Variants in MAGI1 observed in about 807,000 individuals in gnomAD.
The protein encoded by MAGI1 is membrane-associated guanylate kinase, WW and PDZ domain-containing protein 1.
In MAGI1, 58 loss-of-function variants were observed where a neutral mutation model predicts 139.9. The ratio of observed to expected loss-of-function variants is 0.41; its 90% CI spans 0.34 to 0.52. The LOEUF (loss-of-function observed/expected upper bound fraction) is 0.52, where lower values mean the gene tolerates loss of function less well. MAGI1 is among the 20% of genes least tolerant of loss of function. The pLI, the probability that MAGI1 is intolerant of heterozygous loss-of-function variation, is 0.12. For synonymous variants in MAGI1, 812 were observed against 737.9 expected, an observed-to-expected ratio of 1.10 and a Z score of -1.63; for missense variants, 1,874 against 1,901.6, an observed-to-expected ratio of 0.99 and a Z score of 0.27.
In MAGI1 at chr3:65,901,903, C is replaced by T. The variant is rs75215251; in HGVS notation, c.313+136093G>A. On this transcript the variant is annotated intron_variant, in intron 1 of 22. Coordinates refer to ENST00000402939, the MANE Select transcript of MAGI1 (RefSeq NM_001033057.2). ...CTTATTTTGCTGCAGAAAATACTTA[C>T]GAGGTTTTAAAATTCATTATTTTTT... Among the ~76,000 whole-genome samples the T allele has an allele frequency of 6.8e-3, 1,029 of 151,396 alleles. 4 individuals carry two copies. Among genetic ancestry groups the T allele is most frequent in the Non-Finnish European group, 0.011 (725 of 67,752 alleles).
chr3:65,916,425 T>C (rs1401267708), intron 1 of MAGI1, among the ~76,000 whole-genome samples: 4 of 152,136 alleles, frequency 2.6e-5, no homozygotes, highest in South Asian at 4.1e-4. Flanking sequence ...TCCATGTGGC[T>C]GGGGAGGCCT....
At chr3:65,905,722 G>C (rs934020208) in intron 1 of MAGI1, among the ~76,000 whole-genome samples, 1 of 152,080 alleles carries the variant, frequency 6.6e-6, no homozygotes, top group Non-Finnish European at 1.5e-5. Flanking sequence ...CTCAGCTCAG[G>C]TCTACAGAGC....
At chr3:65,497,973 G>A (rs1952567990) in intron 2 of MAGI1, among the ~76,000 whole-genome samples, 1 of 152,130 alleles carries the variant, frequency 6.6e-6, no homozygotes. Context: ...CTAGCAGGAG[G>A]TTTCCCAGCT....
chr3:65,489,825 G>T (rs1304622185), intron 3 of MAGI1, among the ~76,000 whole-genome samples: 2 of 152,150 alleles, frequency 1.3e-5, no homozygotes, highest in African/African-American at 4.8e-5. Flanking sequence ...ATGGAAGAGG[G>T]GAAACAAGTA....
chr3:65,785,708 A>G (rs1056857117), intron 1 of MAGI1, among the ~76,000 whole-genome samples: 1 of 152,194 alleles, frequency 6.6e-6, no homozygotes, highest in East Asian at 1.9e-4. Context: ...AATGAATGAG[A>G]TAAATGAATG....
At chr3:65,682,907 T>C (rs577602102) in intron 1 of MAGI1, among the ~76,000 whole-genome samples, 1 of 152,208 alleles carries the variant, frequency 6.6e-6, no homozygotes, top group South Asian at 2.1e-4. Context: ...AGATAATTTT[T>C]CCAACGGATG....
intron 1 of MAGI1, among the ~76,000 whole-genome samples, chr3:65,771,077 C>T (rs550647464): frequency 2.6e-5 from 4 of 151,838 alleles, no homozygotes; most frequent in Admixed American, 6.6e-5. Flanking sequence ...GAGGCCAAGG[C>T]GGGCAGATCA....
chr3:65,396,325 T>A (rs1944391869), intron 13 of MAGI1, among the ~76,000 whole-genome samples: 2 of 152,268 alleles, frequency 1.3e-5, no homozygotes, highest in African/African-American at 4.8e-5. Context: ...GGAAATGGGC[T>A]CAATTAAAAA....
intron 1 of MAGI1, among the ~76,000 whole-genome samples, chr3:65,885,797 T>C (rs111798254): frequency 1.5e-3 from 233 of 152,264 alleles, no homozygotes; most frequent in African/African-American, 5.1e-3. Flanking sequence ...CTTTATAAAT[T>C]ACCCAGTCTC....
At chr3:65,595,583 G>A (rs183081831) in intron 2 of MAGI1, among the ~76,000 whole-genome samples, 118 of 152,218 alleles carry the variant, frequency 7.8e-4, no homozygotes, top group African/African-American at 2.8e-3. Flanking sequence ...AGCAAGGATC[G>A]GGAGAGGAGC....
chr3:65,658,864 C>T (rs1410838438), intron 1 of MAGI1, among the ~76,000 whole-genome samples: 2 of 152,150 alleles, frequency 1.3e-5, no homozygotes, highest in African/African-American at 2.4e-5. Flanking sequence ...GGTTTTCTTG[C>T]CCTGTATTTT....
intron 1 of MAGI1, among the ~76,000 whole-genome samples, chr3:65,724,487 C>T (rs2033393185): frequency 6.6e-6 from 1 of 152,150 alleles, no homozygotes; most frequent in Non-Finnish European, 1.5e-5. Context: ...ATCTATACTG[C>T]CCATTAGAAT....
intron 1 of MAGI1, among the ~76,000 whole-genome samples, chr3:65,737,552 T>C (rs1410874864): frequency 6.6e-6 from 1 of 152,188 alleles, no homozygotes; most frequent in African/African-American, 2.4e-5. Context: ...ATTGTTCCAA[T>C]ACAGGAAAGG....
At chr3:65,485,011 CATT>C (rs1207630347) in intron 3 of MAGI1, among the ~76,000 whole-genome samples, 2 of 152,166 alleles carry the variant, frequency 1.3e-5, no homozygotes, top group South Asian at 4.1e-4. Context: ...AGGCACATAC[CATT>C]ACCCGGTAAT....
intron 1 of MAGI1, among the ~76,000 whole-genome samples, chr3:65,914,584 G>A (rs1190735382): frequency 6.6e-6 from 1 of 152,174 alleles, no homozygotes; most frequent in Non-Finnish European, 1.5e-5. Flanking sequence ...AAACAAAACA[G>A]GTGCAGTCCA....
Position 65,496,208 on chromosome 3 carries a change from AT to A in MAGI1, c.431-2578del, listed in dbSNP as rs34556532. Among the ~76,000 whole-genome samples, 118 of 146,828 alleles carry A rather than the reference AT, an allele frequency of 8.0e-4. 1 individual carries two copies. Among genetic ancestry groups the A allele is most frequent in the African/African-American group, 2.0e-3 (78 of 39,956 alleles). On this transcript the variant is annotated intron_variant, in intron 2 of 22. Transcript: ENST00000402939. ...AGGCACGTGCCACCACACCCAGCTA[AT>A]TTTTTTTTTTTTGTACAAATGGGGG...
At chr3:65,943,772 A>C (rs1029496566) in intron 1 of MAGI1, among the ~76,000 whole-genome samples, 4 of 152,216 alleles carry the variant, frequency 2.6e-5, no homozygotes, top group African/African-American at 7.2e-5. Context: ...TATTCCAAGA[A>C]GAATATTCTG....
chr3:65,695,261 A>C (rs2089055257), intron 1 of MAGI1, among the ~76,000 whole-genome samples: 1 of 152,206 alleles, frequency 6.6e-6, no homozygotes, highest in Admixed American at 6.5e-5. Flanking sequence ...TTTAGGTGGG[A>C]GACTGTTGGG....
At chr3:65,397,889 T>C (rs1295922124) in intron 13 of MAGI1, among the ~76,000 whole-genome samples, 1 of 152,188 alleles carries the variant, frequency 6.6e-6, no homozygotes, top group African/African-American at 2.4e-5. Context: ...CCCATTTCCA[T>C]GAGGGCAGGG....
Sources: gnomAD v4.1 joint callset for allele counts (sites outside exome capture counted in the v4.1 genomes callset) on GRCh38, gnomAD v4.1.1 for gene constraint, MANE v1.5 for transcripts, NCBI Gene and HGNC (gene_info 2026-07-23, HGNC 2026-07-21) for gene names.